Variants in TMEM18 observed in about 807,000 individuals in gnomAD.
TMEM18 encodes transmembrane protein 18.
Under a neutral mutation model 17.4 loss-of-function variants are expected in TMEM18, and 14 were observed. That is an observed-to-expected ratio of 0.80 (90% CI 0.53 to 1.25). The LOEUF is 1.25. Ranked by LOEUF, TMEM18 falls within the 50% of genes most tolerant of loss-of-function variation. The pLI is 0.00. For synonymous variants in TMEM18, 86 were observed against 66.1 expected, an observed-to-expected ratio of 1.30 and a Z score of -1.46; for missense variants, 187 against 172.1, an observed-to-expected ratio of 1.09 and a Z score of -0.48.
At chr2:674,285 C>G (rs556693829) in intron 2 of TMEM18, among the ~76,000 whole-genome samples, 1 of 152,332 alleles carries the variant, frequency 6.6e-6, no homozygotes, top group South Asian at 2.1e-4. Context: ...GAAGCCATCA[C>G]CTTTCTTTGA....
At chr2:676,371 T>C (rs993226123) in intron 1 of TMEM18, 6 of 1,400,746 alleles carry the variant, frequency 4.3e-6, no homozygotes, top group Non-Finnish European at 5.7e-6. Context: ...AGCGCCCTCC[T>C]GCAGAAGACA....
chr2:675,220 G>A (rs965472569), intron 2 of TMEM18, among the ~76,000 whole-genome samples: 15 of 152,222 alleles, frequency 9.9e-5, no homozygotes, highest in Non-Finnish European at 2.1e-4. Flanking sequence ...CGCATCTTGT[G>A]TAAAAGACAG....
At position 666,879 on chromosome 2, in the gene TMEM18, G is replaced by A. The variant is rs533237878; in HGVS notation, c.*2701C>T. On this transcript the variant is annotated 3_prime_UTR_variant, in exon 5 of 5. Transcript: ENST00000281017. ...GCTCCACTGAAATCCAGACAAGGAA[G>A]CCTGAAGTTCTTTTCCAGGGAAAAG... 2.0e-5 allele frequency among the ~76,000 whole-genome samples: 3 copies of A among 152,252 alleles called. No homozygotes were observed. Among genetic ancestry groups the A allele is most frequent in the Admixed American group, 6.5e-5 (1 of 15,302 alleles).
intron 2 of TMEM18, 54 bp downstream of exon 2, chr2:675,456 C>T (rs1361019493): frequency 6.2e-7 from 1 of 1,612,218 alleles, no homozygotes; most frequent in South Asian, 1.1e-5. Context: ...AGAACATACA[C>T]AGTTTCATTT....
chr2:673,832 G>A (rs932337369), intron 2 of TMEM18, among the ~76,000 whole-genome samples: 1 of 151,474 alleles, frequency 6.6e-6, no homozygotes, highest in Non-Finnish European at 1.5e-5. Flanking sequence ...AGGTGAGAAG[G>A]GTAGGCTAAC....
chr2:672,497 G>A (rs1213524784), intron 3 of TMEM18, among the ~76,000 whole-genome samples: 1 of 152,226 alleles, frequency 6.6e-6, no homozygotes, highest in Admixed American at 6.5e-5. Flanking sequence ...AGGCCAGCGC[G>A]GACCACGTTC....
intron 1 of TMEM18, chr2:676,644 C>A (rs1284260350): frequency 6.5e-7 from 1 of 1,549,652 alleles, no homozygotes; most frequent in Non-Finnish European, 8.7e-7. Context: ...GCCCATGTCA[C>A]CCCTTGGCGG....
chr2:675,953 G>A (rs1412970816), intron 1 of TMEM18: 2 of 1,355,006 alleles, frequency 1.5e-6, no homozygotes, highest in Admixed American at 4.5e-5. Flanking sequence ...TTTTAAGGTG[G>A]GTATAATTAA....
intron 1 of TMEM18, chr2:675,885 C>G: frequency 6.8e-7 from 1 of 1,480,162 alleles, no homozygotes; most frequent in East Asian, 2.8e-5. Flanking sequence ...AAAGTTCAAG[C>G]ACACAGAACT....
At chr2:673,591 C>A (rs1261010659) in intron 2 of TMEM18, among the ~76,000 whole-genome samples, 1 of 152,168 alleles carries the variant, frequency 6.6e-6, no homozygotes, top group African/African-American at 2.4e-5. Context: ...AACTAAAAAT[C>A]CTTTCATTCT....
rs963179931 is a variant in TMEM18 at position 668,175 on chromosome 2, G to A, written c.*1405C>T. On this transcript the variant is annotated 3_prime_UTR_variant, in exon 5 of 5. Coordinates refer to ENST00000281017, the MANE Select transcript of TMEM18 (RefSeq NM_152834.4). ...CTCTCTATTATGATAACAACATAGG[G>A]GAAACCACCCCCATGATCCCATCAC... 2.6e-5 allele frequency: 4 copies of A among 152,136 alleles called. No individual in the cohort carries two copies. The highest frequency in any genetic ancestry group is 5.9e-5 in the Non-Finnish European group (4 of 68,040). 9.4% of individuals were successfully genotyped at this position (152,136 alleles called of 1,614,324 possible).
chr2:675,987 A>G, intron 1 of TMEM18: 1 of 1,308,988 alleles, frequency 7.6e-7, no homozygotes, highest in Middle Eastern at 2.1e-4. Flanking sequence ...CTTTACGATG[A>G]TAATTGGTTA....
chr2:669,677 T>A lies in TMEM18; in HGVS notation c.328-2A>T. On this transcript the variant is annotated splice_acceptor_variant, in intron 4 of 4. Coordinates refer to ENST00000281017, the MANE Select transcript of TMEM18 (RefSeq NM_152834.4). LOFTEE classifies it high-confidence loss of function. ...CAAAGTCTTCCATACCCACATAACC[T>A]AAACACAATTGTTTGAGACATGTTT... 1 of 1,614,150 alleles carries A rather than the reference T, an allele frequency of 6.2e-7. No individual in the cohort carries two copies. Among genetic ancestry groups the A allele is most frequent in the Non-Finnish European group, 8.5e-7 (1 of 1,180,024 alleles).
intron 1 of TMEM18, chr2:676,521 G>C (rs915265822): frequency 6.5e-7 from 1 of 1,541,932 alleles, no homozygotes. Context: ...CTTCTCCAGA[G>C]CCGCGCCATG....
At chr2:672,343 G>C (rs534381113) in intron 3 of TMEM18, among the ~76,000 whole-genome samples, 9 of 152,192 alleles carry the variant, frequency 5.9e-5, no homozygotes, top group African/African-American at 2.2e-4. Context: ...GCAGGGCCAG[G>C]GCTGCCAGCG....
intron 1 of TMEM18, chr2:676,579 G>A (rs1295176956): frequency 1.3e-6 from 2 of 1,550,500 alleles, no homozygotes; most frequent in Non-Finnish European, 1.7e-6. Context: ...CCCACCAGAA[G>A]ACCAGAGGCA....
At chr2:675,658 C>G in intron 1 of TMEM18, 28 bp from the exon 2 acceptor site, 1 of 1,610,718 alleles carries the variant, frequency 6.2e-7, no homozygotes, top group Non-Finnish European at 8.5e-7. Context: ...CAGACACTCA[C>G]TGTCCTGCCA....
chr2:675,929 G>A (rs771548106), intron 1 of TMEM18: 222 of 1,406,758 alleles, frequency 1.6e-4, no homozygotes, highest in Non-Finnish European at 2.1e-4. Context: ...TTCGTTTGTG[G>A]AACAGAATCA....
chr2:675,580 C>A lies in TMEM18; in HGVS notation c.108G>T (p.Ala36=). 6.2e-7 allele frequency: 1 copy of A among 1,614,190 alleles called. No homozygotes were observed. The highest frequency in any genetic ancestry group is 1.3e-5 in the African/African-American group (1 of 75,054). The part of the protein sequence containing the change: ...PWLMGLATFH[A]LCVLLTCLSS... ...ACAAGCAGGTGAGGAGCACGCAGAG[C>A]GCGTGGAAGGTGGCCAGCCCCATGA... The change falls in exon 2 of 5, where the codon GCG becomes GCT. Residue 36 remains alanine, a synonymous_variant. Coordinates refer to ENST00000281017, the MANE Select transcript of TMEM18 (RefSeq NM_152834.4).
Sources: gnomAD v4.1 joint callset for allele counts (sites outside exome capture counted in the v4.1 genomes callset) on GRCh38, gnomAD v4.1.1 for gene constraint, MANE v1.5 for transcripts, NCBI Gene and HGNC (gene_info 2026-07-23, HGNC 2026-07-21) for gene names.